MED27: variants seen among roughly 807,000 people sequenced by gnomAD.
MED27 encodes the protein mediator complex subunit 27.
In MED27, 30 loss-of-function variants were observed where a neutral mutation model predicts 38.2. That is an observed-to-expected ratio of 0.79 (90% CI 0.59 to 1.07). The LOEUF (loss-of-function observed/expected upper bound fraction) is 1.07, where lower values mean the gene tolerates loss of function less well. Among genes scored for constraint, MED27 ranks in the 50% least tolerant of loss-of-function variants. MED27 has a pLI of 0.00. For synonymous variants in MED27, 122 were observed against 153.5 expected (o/e 0.79, Z 1.52); for missense variants, 289 against 397.5 (o/e 0.73, Z 2.32).
At chr9:131,907,015 A>G (rs897791567) in intron 4 of MED27, among the ~76,000 whole-genome samples, 2 of 152,174 alleles carry the variant, frequency 1.3e-5, no homozygotes, top group Non-Finnish European at 2.9e-5. Flanking sequence ...TTCAAATGCT[A>G]ATGCATTATA....
intron 6 of MED27, among the ~76,000 whole-genome samples, chr9:131,880,380 C>T (rs924230707): frequency 6.6e-6 from 1 of 152,014 alleles, no homozygotes; most frequent in Non-Finnish European, 1.5e-5. Context: ...TCTTACTTGT[C>T]CCTGAAAAAA....
At chr9:132,017,756 AT>A (rs1832636543) in intron 2 of MED27, among the ~76,000 whole-genome samples, 1 of 151,942 alleles carries the variant, frequency 6.6e-6, no homozygotes, top group Non-Finnish European at 1.5e-5. Flanking sequence ...TCCACTTTCT[AT>A]TTTCTATGAA....
At chr9:131,983,763 C>A (rs1220939828) in intron 3 of MED27, among the ~76,000 whole-genome samples, 1 of 152,190 alleles carries the variant, frequency 6.6e-6, no homozygotes, top group East Asian at 1.9e-4. Context: ...TAACCGAATT[C>A]ATCTGTGCTA....
intron 2 of MED27, among the ~76,000 whole-genome samples, chr9:132,022,732 T>C (rs1405490427): frequency 6.6e-6 from 1 of 152,172 alleles, no homozygotes; most frequent in Non-Finnish European, 1.5e-5. Context: ...CAGTTCCACA[T>C]GACTGGAGAG....
intron 5 of MED27, among the ~76,000 whole-genome samples, chr9:131,885,915 G>A (rs993675421): frequency 4.6e-5 from 7 of 152,200 alleles, no homozygotes; most frequent in African/African-American, 1.7e-4. Context: ...CCTGGTCAAT[G>A]GGCCTCTGGG....
At chr9:132,018,896 G>C (rs1341616987) in intron 2 of MED27, among the ~76,000 whole-genome samples, 1 of 136,844 alleles carries the variant, frequency 7.3e-6, no homozygotes, top group Non-Finnish European at 1.6e-5. Context: ...CTGGACGTAA[G>C]TTATGATTCA....
At chr9:132,043,932 C>T (rs572499552) in intron 2 of MED27, among the ~76,000 whole-genome samples, 3 of 152,282 alleles carry the variant, frequency 2.0e-5, no homozygotes, top group Non-Finnish European at 2.9e-5. Flanking sequence ...GCTGACAAAC[C>T]GTGAAGGGAA....
chr9:132,042,167 G>A (rs985962909), intron 2 of MED27, among the ~76,000 whole-genome samples: 11 of 152,164 alleles, frequency 7.2e-5, no homozygotes, highest in Admixed American at 6.5e-4. Context: ...CTGGGACTCA[G>A]TTTCTTCCTC....
rs115569394 is a variant in MED27, at chr9:131,872,259, G to C, written c.724-9119C>G. ...GGGGACAGGACTGTGGCCGAGCAGC[G>C]CCTGGGGGAGCTGAGCTTGAACAGA... On this transcript the variant is annotated intron_variant, in intron 6 of 7. Transcript: ENST00000292035. The surrounding 1 kb of genome is among the most constrained non-coding windows in gnomAD (Gnocchi z 5.6). Among the ~76,000 whole-genome samples, 446 of 152,186 alleles carry C rather than the reference G, an allele frequency of 2.9e-3. 1 individual carries two copies. The highest frequency in any genetic ancestry group is 0.01 in the African/African-American group (425 of 41,532).
At chr9:131,908,532 A>T (rs563392756) in intron 4 of MED27, among the ~76,000 whole-genome samples, 1 of 152,322 alleles carries the variant, frequency 6.6e-6, no homozygotes, top group South Asian at 2.1e-4. Context: ...TTCTGTACTA[A>T]GAAAAATTCT....
At chr9:132,052,468 G>GA (rs952767362) in intron 2 of MED27, among the ~76,000 whole-genome samples, 83 of 151,824 alleles carry the variant, frequency 5.5e-4, no homozygotes, top group Non-Finnish European at 1.0e-3. Context: ...CATACACAGG[G>GA]AAAAAAAATC....
At chr9:131,863,533 G>A (rs1355505234) in intron 6 of MED27, among the ~76,000 whole-genome samples, 1 of 152,220 alleles carries the variant, frequency 6.6e-6, no homozygotes, top group Admixed American at 6.5e-5. Context: ...CGCCCGGTAC[G>A]CACACTTCCT....
At chr9:131,931,878 GAGAGAGA>G (rs972672097) in intron 4 of MED27, among the ~76,000 whole-genome samples, 1 of 152,108 alleles carries the variant, frequency 6.6e-6, no homozygotes, top group African/African-American at 2.4e-5. Context: ...TAGAGCTAAG[GAGAGAGA>G]CAGGCCACAA....
intron 3 of MED27, among the ~76,000 whole-genome samples, chr9:131,958,512 T>C (rs1431179284): frequency 1.3e-5 from 2 of 152,126 alleles, no homozygotes; most frequent in African/African-American, 2.4e-5. Flanking sequence ...TCCCAAAATG[T>C]TGGGATTACA....
chr9:131,975,625 G>A (rs577704381), intron 3 of MED27, among the ~76,000 whole-genome samples: 8 of 152,312 alleles, frequency 5.3e-5, no homozygotes, highest in Admixed American at 2.0e-4. Context: ...GAGCAAAGAT[G>A]AAGAAGACAC....
rs1293903497 is a variant in MED27, at chr9:131,917,518, C to T, written c.573+21863G>A. On this transcript the variant is annotated intron_variant, in intron 4 of 7. Coordinates refer to ENST00000292035, the MANE Select transcript of MED27 (RefSeq NM_004269.4). This position sits in a 1 kb window ranked among gnomAD's most constrained non-coding sequence, Gnocchi z 4.6. ...CAGGAGACCAATGAGACGGCTGGAG[C>T]AAGGGTTCAGACGACAGGAGATGAG... Among the ~76,000 whole-genome samples the T allele has an allele frequency of 6.6e-6, 1 of 151,488 alleles. No individual in the cohort carries two copies. The highest frequency in any genetic ancestry group is 2.4e-5 in the African/African-American group (1 of 41,124).
chr9:131,970,386 G>A (rs780663796), intron 3 of MED27, among the ~76,000 whole-genome samples: 23 of 152,228 alleles, frequency 1.5e-4, no homozygotes, highest in East Asian at 1.9e-4. Context: ...CAGTACCTTC[G>A]TCCTCACTGA....
At chr9:131,893,154 A>ACGAGGAAAC (rs1839256093) in intron 5 of MED27, among the ~76,000 whole-genome samples, 1 of 152,178 alleles carries the variant, frequency 6.6e-6, no homozygotes, top group East Asian at 1.9e-4. Context: ...AATGAGAGTC[A>ACGAGGAAAC]TGAGGAAGGA....
chr9:131,933,993 T>C (rs375820528), intron 4 of MED27, among the ~76,000 whole-genome samples: 7 of 152,252 alleles, frequency 4.6e-5, no homozygotes, highest in African/African-American at 1.4e-4. Context: ...GTGAACTCAT[T>C]TTTGACAAAG....
Sources: gnomAD v4.1 joint callset for allele counts (sites outside exome capture counted in the v4.1 genomes callset) on GRCh38, gnomAD v4.1.1 for gene constraint, Gnocchi (gnomAD v3.1) non-coding constraint, MANE v1.5 for transcripts, NCBI Gene and HGNC (gene_info 2026-07-23, HGNC 2026-07-21) for gene names.